Variants in OR6N1 observed in about 807,000 individuals in gnomAD.
The protein encoded by OR6N1 is olfactory receptor family 6 subfamily N member 1, also known as olfactory receptor 6N1.
For synonymous variants in OR6N1, 170 were observed against 150.7 expected (o/e 1.13, Z -0.94); for missense variants, 394 against 371.7 (o/e 1.06, Z -0.49).
chr1:158,801,503 G>C, the OR6N1 span, among the ~76,000 whole-genome samples: 1 of 152,152 alleles, frequency 6.6e-6, no homozygotes, highest in African/African-American at 2.4e-5. Flanking sequence ...GAATTGGTAA[G>C]CTAAGGCCCC....
chr1:158,777,442 A>G, the OR6N1 span: 2 of 1,614,222 alleles, frequency 1.2e-6, no homozygotes, highest in Non-Finnish European at 1.7e-6. Flanking sequence ...GAAGGAAAGA[A>G]CACTGACAAA....
the OR6N1 span, among the ~76,000 whole-genome samples, chr1:158,795,027 G>A: frequency 5.9e-5 from 9 of 152,162 alleles, no homozygotes; most frequent in East Asian, 1.9e-4. Flanking sequence ...AAAGCCAGGC[G>A]GGGGGCTGAG....
At chr1:158,824,520 A>G in the OR6N1 span, among the ~76,000 whole-genome samples, 1 of 152,156 alleles carries the variant, frequency 6.6e-6, no homozygotes, top group East Asian at 1.9e-4. Context: ...CCATGTGGTG[A>G]TGAAAAGAAC....
the OR6N1 span, among the ~76,000 whole-genome samples, chr1:158,826,051 G>A: frequency 1.3e-5 from 2 of 152,032 alleles, no homozygotes; most frequent in African/African-American, 4.8e-5. Context: ...CCACTTGTAA[G>A]TGGGAGCCAA....
the OR6N1 span, among the ~76,000 whole-genome samples, chr1:158,839,991 G>A: frequency 6.6e-6 from 1 of 152,040 alleles, no homozygotes; most frequent in Non-Finnish European, 1.5e-5. Context: ...AAATATTTTT[G>A]CTTGAAAACT....
chr1:158,814,689 C>T, the OR6N1 span, among the ~76,000 whole-genome samples: 23 of 152,220 alleles, frequency 1.5e-4, no homozygotes, highest in Middle Eastern at 3.4e-3. Context: ...AAGGGTTCTG[C>T]CCTCATGACC....
At chr1:158,823,008 T>C in the OR6N1 span, among the ~76,000 whole-genome samples, 1 of 152,144 alleles carries the variant, frequency 6.6e-6, no homozygotes, top group Non-Finnish European at 1.5e-5. Flanking sequence ...TGATGAATCA[T>C]ATTTATTGAT....
upstream of OR6N1, chr1:158,775,384 A>G (rs1463640895): frequency 6.6e-6 from 1 of 152,212 alleles, no homozygotes; most frequent in Non-Finnish European, 1.5e-5. Context: ...GACCTGAAAG[A>G]GTAATCATGT....
chr1:158,787,304 A>G, the OR6N1 span, among the ~76,000 whole-genome samples: 1 of 152,094 alleles, frequency 6.6e-6, no homozygotes, highest in Non-Finnish European at 1.5e-5. Context: ...CATCCTATAC[A>G]GCCTGCAGAG....
chr1:158,808,077 C>T, the OR6N1 span, among the ~76,000 whole-genome samples: 1 of 139,286 alleles, frequency 7.2e-6, no homozygotes, highest in East Asian at 2.4e-4. Flanking sequence ...CAAATTAGAT[C>T]ATTGAGCTTC....
the OR6N1 span, among the ~76,000 whole-genome samples, chr1:158,823,213 C>T: frequency 6.6e-6 from 1 of 152,240 alleles, no homozygotes; most frequent in South Asian, 2.1e-4. Context: ...CAGGATGATT[C>T]TGGCCTCACA....
chr1:158,821,819 G>T, the OR6N1 span, among the ~76,000 whole-genome samples: 1 of 152,284 alleles, frequency 6.6e-6, no homozygotes, highest in South Asian at 2.1e-4. Flanking sequence ...GTACTGGAAT[G>T]TATGAGTATT....
chr1:158,765,098 C>T lies in OR6N1; in HGVS notation c.*646G>A, dbSNP rs965755025. On this transcript the variant is annotated 3_prime_UTR_variant, in exon 2 of 2. Coordinates refer to ENST00000641846, the MANE Select transcript of OR6N1 (RefSeq NM_001005185.2). ...AAACAAGTCCTTATTTATTTACTATCACCTACATGTCAGACACTGTGCACT... is the reference window on the plus strand; with the variant it reads ...AAACAAGTCCTTATTTATTTACTATTACCTACATGTCAGACACTGTGCACT... 6.6e-6 allele frequency: 1 copy of T among 152,084 alleles called. No homozygotes were observed. Among genetic ancestry groups the T allele is most frequent in the Non-Finnish European group, 1.5e-5 (1 of 68,010 alleles). The allele number at this position is 152,084 out of a possible 1,614,324, so 9.4% of individuals were successfully genotyped here. A position where few individuals can be genotyped will look rare whatever the true frequency, so the allele number is the denominator to read the frequency against.
At chr1:158,837,478 T>A in the OR6N1 span, among the ~76,000 whole-genome samples, 1 of 151,866 alleles carries the variant, frequency 6.6e-6, no homozygotes, top group South Asian at 2.1e-4. Flanking sequence ...TTATAACACT[T>A]TTTGACTGTT....
At chr1:158,837,243 C>A in the OR6N1 span, among the ~76,000 whole-genome samples, 1 of 151,706 alleles carries the variant, frequency 6.6e-6, no homozygotes, top group African/African-American at 2.4e-5. Flanking sequence ...TAATGTTTTT[C>A]AATATTTATT....
upstream of OR6N1, chr1:158,776,788 G>A (rs773621828): frequency 6.2e-7 from 1 of 1,613,776 alleles, no homozygotes; most frequent in South Asian, 1.1e-5. Flanking sequence ...ATTGACCATT[G>A]GTGTTAGTAC....
chr1:158,794,050 C>T, the OR6N1 span, among the ~76,000 whole-genome samples: 2 of 152,282 alleles, frequency 1.3e-5, no homozygotes, highest in South Asian at 2.1e-4. Context: ...ATGTAGAGGG[C>T]GATAGTGACT....
the OR6N1 span, among the ~76,000 whole-genome samples, chr1:158,830,658 G>A: frequency 6.6e-6 from 1 of 152,152 alleles, no homozygotes; most frequent in Non-Finnish European, 1.5e-5. Context: ...GAGTTTCAGT[G>A]CTGTTCCAGA....
the OR6N1 span, among the ~76,000 whole-genome samples, chr1:158,787,094 C>T: frequency 6.6e-6 from 1 of 152,054 alleles, no homozygotes; most frequent in African/African-American, 2.4e-5. Flanking sequence ...CATGTTCGGT[C>T]ATGGGGGTGA....
Sources: allele counts gnomAD v4.1 joint callset (sites outside exome capture counted in the v4.1 genomes callset), GRCh38; gene constraint gnomAD v4.1.1; transcripts MANE v1.5; gene names NCBI Gene and HGNC (gene_info 2026-07-23, HGNC 2026-07-21).